NRP1: variants seen among roughly 807,000 people sequenced by gnomAD.
NRP1 encodes the protein neuropilin-1.
In NRP1, 35 loss-of-function variants were observed where a neutral mutation model predicts 106.7. That is an observed-to-expected ratio of 0.33 (90% CI 0.25 to 0.43). NRP1 has a LOEUF of 0.43. NRP1 is among the 20% of genes least tolerant of loss of function. The probability of loss-of-function intolerance (pLI) is 1.00; values close to 1 mark genes in which losing one functional copy is unlikely to be tolerated. For missense variants in NRP1, 1,024 were observed against 1,170.4 expected (o/e 0.87, Z 1.83); for synonymous variants, 437 against 417.9 (o/e 1.05, Z -0.56).
chr10:33,204,039 A>G (rs1837564934), intron 10 of NRP1, among the ~76,000 whole-genome samples: 1 of 151,948 alleles, frequency 6.6e-6, no homozygotes, highest in Non-Finnish European at 1.5e-5. Context: ...TTTCGTTCAG[A>G]TATTTTTTTT....
chr10:33,180,333 C>A lies in NRP1; in HGVS notation c.2515G>T (p.Gly839Cys), dbSNP rs771196307. ...GGCTTCCTGGAGATGTTCTTGTCAC[C>A]TTCTCCTTCACCTTCGTATCCTGGC... is the stretch of plus-strand genomic sequence containing the variant. ...STPGYEGEGEGDKNISRKPGN... is the reference protein window; with the variant it reads ...STPGYEGEGECDKNISRKPGN... The change falls in exon 17 of 17, where the codon GGT becomes TGT. Residue 839 changes from glycine (G) to cysteine (C), a missense_variant. Transcript: ENST00000374867. The A allele has an allele frequency of 1.2e-6, 2 of 1,604,604 alleles. No homozygotes were observed. Among genetic ancestry groups the A allele is most frequent in the African/African-American group, 1.3e-5 (1 of 74,696 alleles).
intron 2 of NRP1, among the ~76,000 whole-genome samples, chr10:33,308,425 A>T (rs1846325851): frequency 6.6e-6 from 1 of 151,074 alleles, no homozygotes; most frequent in East Asian, 1.9e-4. Flanking sequence ...AGCCTAATAT[A>T]ATGTTTTACA....
intron 9 of NRP1, among the ~76,000 whole-genome samples, chr10:33,208,421 C>T (rs906044905): frequency 1.3e-5 from 2 of 152,158 alleles, no homozygotes; most frequent in African/African-American, 4.8e-5. Flanking sequence ...GGAGCTTGGC[C>T]ACCCACTGCC....
intron 9 of NRP1, 31 bp downstream of exon 9, chr10:33,213,355 G>A (rs1838469377): frequency 6.2e-7 from 1 of 1,614,070 alleles, no homozygotes; most frequent in Non-Finnish European, 8.5e-7. Context: ...AGGACATAAG[G>A]GATGACCTCC....
chr10:33,285,237 G>A (rs959575236), intron 2 of NRP1, among the ~76,000 whole-genome samples: 4 of 152,110 alleles, frequency 2.6e-5, no homozygotes, highest in Non-Finnish European at 5.9e-5. Context: ...GAATGCCCTG[G>A]TTTTACTACT....
At chr10:33,270,978 T>A in intron 2 of NRP1, 122 bp from the exon 3 acceptor site, 1 of 726,814 alleles carries the variant, frequency 1.4e-6, no homozygotes, top group Non-Finnish European at 2.2e-6. Flanking sequence ...TCTATCTGCA[T>A]TCATCACTGC....
At position 33,277,867 on chromosome 10, in the gene NRP1, C is replaced by CTCAT. The variant is rs1042068656; in HGVS notation, c.249-7015_249-7012dup. On this transcript the variant is annotated intron_variant, in intron 2 of 16. Coordinates refer to ENST00000374867, the MANE Select transcript of NRP1 (RefSeq NM_003873.7). ...TTTTTCACACATATTTATTTATTCACTCATTCATTCATTCATTTATGTATC... is the reference window on the plus strand; with the variant it reads ...TTTTTCACACATATTTATTTATTCACTCATTCATTCATTCATTCATTTATGTATC... Among the ~76,000 whole-genome samples, 9 of 151,878 alleles carry CTCAT rather than the reference C, an allele frequency of 5.9e-5. No homozygotes were observed. In the East Asian group the frequency reaches 7.7e-4, roughly 13 times the overall value.
chr10:33,323,443 C>G (rs1847666650), intron 2 of NRP1, among the ~76,000 whole-genome samples: 1 of 151,940 alleles, frequency 6.6e-6, no homozygotes, highest in South Asian at 2.1e-4. Flanking sequence ...CCAAAATATT[C>G]TGTTTGTTTT....
chr10:33,242,414 G>A (rs934865665), intron 6 of NRP1, among the ~76,000 whole-genome samples: 7 of 152,004 alleles, frequency 4.6e-5, no homozygotes, highest in East Asian at 1.9e-4. Flanking sequence ...TATAATGTAC[G>A]TGCTATAAAA....
intron 6 of NRP1, among the ~76,000 whole-genome samples, chr10:33,247,351 C>T (rs1451411940): frequency 2.0e-5 from 3 of 152,132 alleles, no homozygotes; most frequent in African/African-American, 4.8e-5. Context: ...ATCAGGTCTA[C>T]GCCATTGTGT....
At chr10:33,310,293 C>T (rs1392418153) in intron 2 of NRP1, among the ~76,000 whole-genome samples, 3 of 145,614 alleles carry the variant, frequency 2.1e-5, no homozygotes, top group Non-Finnish European at 3.0e-5. Flanking sequence ...CTCTGTCGCC[C>T]AGGCTAGTGT....
At chr10:33,312,486 A>T (rs1302885857) in intron 2 of NRP1, among the ~76,000 whole-genome samples, 1 of 152,244 alleles carries the variant, frequency 6.6e-6, no homozygotes, top group Non-Finnish European at 1.5e-5. Flanking sequence ...GCTAAGTCAA[A>T]TTATGAAATT....
At chr10:33,308,764 C>T (rs958646512) in intron 2 of NRP1, among the ~76,000 whole-genome samples, 1 of 152,120 alleles carries the variant, frequency 6.6e-6, no homozygotes, top group East Asian at 1.9e-4. Flanking sequence ...GCTGGGATTA[C>T]AGGTGTGAGC....
At chr10:33,184,378 A>AACT (rs1835878617) in intron 15 of NRP1, among the ~76,000 whole-genome samples, 1 of 152,166 alleles carries the variant, frequency 6.6e-6, no homozygotes, top group African/African-American at 2.4e-5. Flanking sequence ...AGTCAGTTAG[A>AACT]ACTTGTTGAA....
chr10:33,188,063 A>T (rs553691375), intron 13 of NRP1, among the ~76,000 whole-genome samples: 21 of 152,200 alleles, frequency 1.4e-4, no homozygotes, highest in African/African-American at 5.1e-4. Flanking sequence ...ATCCATTCAC[A>T]CTTAGGATTT....
Position 33,334,504 on chromosome 10 carries a change from A to C in NRP1, c.-122T>G. On this transcript the variant is annotated 5_prime_UTR_variant, in exon 1 of 17. The change abolishes the stop of an existing upstream ORF in the 5' untranslated region. Coordinates refer to ENST00000374867, the MANE Select transcript of NRP1 (RefSeq NM_003873.7). The stretch of plus-strand genomic sequence containing the variant: ...CTCCGCCTAGAGCTGTACAATCCTC[A>C]GCCCGTCTTGGAGAAAAGAAAGCAG... 2.5e-6 allele frequency: 2 copies of C among 807,480 alleles called. No individual in the cohort carries two copies. The highest frequency in any genetic ancestry group is 3.9e-6 in the Non-Finnish European group (2 of 517,932). 50.0% of individuals were successfully genotyped at this position (807,480 alleles called of 1,614,324 possible).
At chr10:33,251,814 C>T (rs549964188) in intron 6 of NRP1, among the ~76,000 whole-genome samples, 377 of 152,174 alleles carry the variant, frequency 2.5e-3, no homozygotes, top group Non-Finnish European at 4.3e-3. Flanking sequence ...GAGAGCTCCC[C>T]ACATTACCAA....
chr10:33,276,727 C>G (rs1453988473), intron 2 of NRP1, among the ~76,000 whole-genome samples: 2 of 152,100 alleles, frequency 1.3e-5, no homozygotes, highest in Non-Finnish European at 2.9e-5. Flanking sequence ...ATCGGTGATT[C>G]ATTTTTCCAC....
chr10:33,249,578 G>A (rs1015365116), intron 6 of NRP1: 12 of 487,946 alleles, frequency 2.5e-5, no homozygotes, highest in African/African-American at 4.0e-5. Flanking sequence ...AACAAAGAAA[G>A]GAAAAAGGTA....
Sources: allele counts gnomAD v4.1 joint callset (sites outside exome capture counted in the v4.1 genomes callset), GRCh38; gene constraint gnomAD v4.1.1; transcripts MANE v1.5; gene names NCBI Gene and HGNC (gene_info 2026-07-23, HGNC 2026-07-21).